ESAM: variants seen among roughly 807,000 people sequenced by gnomAD.
ESAM encodes the protein endothelial cell adhesion molecule.
ESAM carries 23 observed loss-of-function variants against 31.8 expected under a neutral mutation model. That is an observed-to-expected ratio of 0.72 (90% CI 0.52 to 1.03). The LOEUF (loss-of-function observed/expected upper bound fraction) is 1.03. Ranked by LOEUF, ESAM falls within the 50% of genes least tolerant of loss-of-function variation. The pLI, the probability that ESAM is intolerant of heterozygous loss-of-function variation, is 0.00. For missense variants in ESAM, 478 were observed against 488.9 expected, an observed-to-expected ratio of 0.98 and a Z score of 0.21; for synonymous variants, 216 against 207.2, an observed-to-expected ratio of 1.04 and a Z score of -0.37.
chr11:124,756,562 T>A lies in ESAM; in HGVS notation c.430A>T (p.Thr144Ser), dbSNP rs769468409. ...QGKSRGHSIKTLELNVLVPPA... is the reference protein window; with the variant it reads ...QGKSRGHSIKSLELNVLVPPA... ...TCACCCAGTACATTGAGTTCTAAGG[T>A]TTTGATGCTGTGGCCCCTAGATTTG... The change falls in exon 3 of 7, where the codon ACC becomes TCC. Residue 144 changes from threonine to serine, a missense_variant. Coordinates refer to ENST00000278927, the MANE Select transcript of ESAM (RefSeq NM_138961.3). 2.5e-6 allele frequency: 4 copies of A among 1,613,948 alleles called. No individual in the cohort carries two copies. In the Admixed American group the frequency reaches 6.7e-5, roughly 27 times the overall value.
In ESAM at chr11:124,753,735, G is replaced by A; in HGVS notation, c.1084C>T (p.Pro362Ser). 6.2e-7 allele frequency: 1 copy of A among 1,614,172 alleles called. No individual in the cohort carries two copies. Among genetic ancestry groups the A allele is most frequent in the Non-Finnish European group, 8.5e-7 (1 of 1,180,038 alleles). Residue 362 changes from proline to serine, a missense_variant, in exon 7 of 7, where the codon CCT (proline) becomes TCT (serine). Transcript: ENST00000278927. ...AAGCCAGAGGAAGAAACCCCACCAG[G>A]GATGGGGGATATTGGTTGAGGGTGG... ...GAHPQPISPI[P>S]GGVSSSGLSR...
At chr11:124,758,044 G>A (rs1944177248) in intron 2 of ESAM, among the ~76,000 whole-genome samples, 1 of 152,074 alleles carries the variant, frequency 6.6e-6, no homozygotes, top group Non-Finnish European at 1.5e-5. Flanking sequence ...CTTCCCCTAA[G>A]CGTTTCCCAG....
intron 1 of ESAM, among the ~76,000 whole-genome samples, chr11:124,758,887 T>G (rs1461950248): frequency 6.6e-6 from 1 of 152,222 alleles, no homozygotes; most frequent in East Asian, 1.9e-4. Context: ...CGACTGTTTC[T>G]GTCGTACGCG....
rs1444272910 is a variant in ESAM, at chr11:124,759,653, G to A, written c.71-1126C>T. On this transcript the variant is annotated intron_variant, in intron 1 of 6. Transcript: ENST00000278927. This position sits in a 1 kb window ranked among gnomAD's most constrained non-coding sequence, Gnocchi z 6.8. ...GCCTCTAAGGGCTGGGAGCCGATCC[G>A]GCCAGGATGCAAGCCTCCCCCACCG... Among the ~76,000 whole-genome samples, 1 of 152,242 alleles carries A rather than the reference G, an allele frequency of 6.6e-6. No homozygotes were observed. Among genetic ancestry groups the A allele is most frequent in the East Asian group, 1.9e-4 (1 of 5,188 alleles).
In ESAM at chr11:124,759,596, TC is replaced by T. The variant is rs1236299502; in HGVS notation, c.71-1070del. On this transcript the variant is annotated intron_variant, in intron 1 of 6. Transcript: ENST00000278927. This position sits in a 1 kb window ranked among gnomAD's most constrained non-coding sequence, Gnocchi z 6.8. ...AAGAGGCCGCAGCCAGGCCCCGCTC[TC>T]CACCCTCGCCCTAGGAGAGCCAGGC... Among the ~76,000 whole-genome samples the T allele has an allele frequency of 4.3e-4, 65 of 152,198 alleles. 1 individual carries two copies. Among genetic ancestry groups the T allele is most frequent in the Admixed American group, 4.2e-3 (64 of 15,288 alleles).
intron 4 of ESAM, among the ~76,000 whole-genome samples, chr11:124,755,322 C>A (rs914661557): frequency 2.0e-5 from 3 of 151,958 alleles, no homozygotes; most frequent in Non-Finnish European, 2.9e-5. Context: ...GTACAGCACA[C>A]CAGCATGGCA....
chr11:124,754,113 G>A lies in ESAM; in HGVS notation c.857+101C>T. 6.4e-7 allele frequency: 1 copy of A among 1,559,398 alleles called. No individual in the cohort carries two copies. On this transcript the variant is annotated intron_variant, in intron 6 of 6. Coordinates refer to ENST00000278927, the MANE Select transcript of ESAM (RefSeq NM_138961.3). The surrounding 1 kb of genome is among the most constrained non-coding windows in gnomAD (Gnocchi z 4.5). ...ACCTGCCCATAGGAATGATGTTTCA[G>A]CCACTGACCCCATCCCAATAGATGA... is the stretch of plus-strand genomic sequence containing the variant.
intron 4 of ESAM, among the ~76,000 whole-genome samples, 168 bp downstream of exon 4, chr11:124,756,039 C>A (rs1354989273): frequency 6.6e-6 from 1 of 152,240 alleles, no homozygotes; most frequent in Non-Finnish European, 1.5e-5. Context: ...TAACACAATA[C>A]CTGCCCCTGG....
In ESAM at chr11:124,754,058, A is replaced by G. The variant is rs561044496; in HGVS notation, c.858-97T>C. The G allele has an allele frequency of 1.7e-5, 27 of 1,551,372 alleles. No individual in the cohort carries two copies. The East Asian group carries it at 5.4e-4, about 31-fold the overall frequency. On this transcript the variant is annotated intron_variant, in intron 6 of 6. Transcript: ENST00000278927. This position sits in a 1 kb window ranked among gnomAD's most constrained non-coding sequence, Gnocchi z 4.5. ...TCTTATATACCACCTCTGCCTGCACACTTCAGTACTCCTTTCCCTCTCCCT... is the reference window on the plus strand; with the variant it reads ...TCTTATATACCACCTCTGCCTGCACGCTTCAGTACTCCTTTCCCTCTCCCT...
At chr11:124,761,873 C>A (rs536725248) in intron 1 of ESAM, among the ~76,000 whole-genome samples, 1 of 152,078 alleles carries the variant, frequency 6.6e-6, no homozygotes, top group African/African-American at 2.4e-5. Flanking sequence ...TTACCTCCCC[C>A]CGCCATCCGC....
intron 4 of ESAM, 143 bp downstream of exon 4, chr11:124,756,064 C>T: frequency 8.7e-7 from 1 of 1,148,352 alleles, no homozygotes; most frequent in East Asian, 2.5e-5. Flanking sequence ...GCATCTTTCT[C>T]TGCCCCACAT....
intron 1 of ESAM, 32 bp from the exon 2 acceptor site, chr11:124,758,559 G>A (rs1248042794): frequency 1.4e-6 from 2 of 1,479,154 alleles, no homozygotes; most frequent in Non-Finnish European, 1.8e-6. Context: ...GAGTGCCCAG[G>A]ACCGGCTCCC....
At position 124,753,599 on chromosome 11, in the gene ESAM, T is replaced by TA. The variant is rs1447097223; in HGVS notation, c.*46dup. 1 of 1,605,664 alleles carries TA rather than the reference T, an allele frequency of 6.2e-7. No individual in the cohort carries two copies. Among genetic ancestry groups the TA allele is most frequent in the Non-Finnish European group, 8.5e-7 (1 of 1,176,384 alleles). ...GCCTCTGTGCTAGAGGTGACCCTTATAGGAAGGAGAGACCCCAAATCCTTT... is the reference window on the plus strand; with the variant it reads ...GCCTCTGTGCTAGAGGTGACCCTTATAAGGAAGGAGAGACCCCAAATCCTTT... On this transcript the variant is annotated 3_prime_UTR_variant, in exon 7 of 7. Coordinates refer to ENST00000278927, the MANE Select transcript of ESAM (RefSeq NM_138961.3).
chr11:124,756,721 C>T lies in ESAM; in HGVS notation c.271G>A (p.Val91Ile), dbSNP rs777080925. The T allele has an allele frequency of 4.3e-6, 7 of 1,614,120 alleles. No homozygotes were observed. The highest frequency in any genetic ancestry group is 2.2e-5 in the South Asian group (2 of 91,082). ...EDQVLSYINGVTTSKPGVSLV... is the reference protein window; with the variant it reads ...EDQVLSYINGITTSKPGVSLV... ...GATACTCCAGGTTTGCTTGTTGTGACCCCATTGATGTAGGACAACACCTGG... is the reference window on the plus strand; with the variant it reads ...GATACTCCAGGTTTGCTTGTTGTGATCCCATTGATGTAGGACAACACCTGG... Residue 91 changes from valine (V) to isoleucine (I), a missense_variant, in exon 3 of 7, where the codon GTC (valine) becomes ATC (isoleucine). Coordinates refer to ENST00000278927, the MANE Select transcript of ESAM (RefSeq NM_138961.3).
Position 124,754,411 on chromosome 11 carries a change from C to A in ESAM, c.731-71G>T. 1 of 1,568,426 alleles carries A rather than the reference C, an allele frequency of 6.4e-7. No homozygotes were observed. Among genetic ancestry groups the A allele is most frequent in the Non-Finnish European group, 8.6e-7 (1 of 1,157,684 alleles). On this transcript the variant is annotated intron_variant, in intron 5 of 6. Coordinates refer to ENST00000278927, the MANE Select transcript of ESAM (RefSeq NM_138961.3). This position sits in a 1 kb window ranked among gnomAD's most constrained non-coding sequence, Gnocchi z 4.5. The stretch of plus-strand genomic sequence containing the variant: ...CTCACCCCTCTCCAATCCCACTCTC[C>A]CCACCCCATCTGCCACCATACACAT...
At chr11:124,761,082 C>G (rs1430062991) in intron 1 of ESAM, among the ~76,000 whole-genome samples, 1 of 152,122 alleles carries the variant, frequency 6.6e-6, no homozygotes, top group Admixed American at 6.5e-5. Flanking sequence ...ATCTCTGTCC[C>G]CATCATTGTA....
intron 2 of ESAM, 139 bp from the exon 3 acceptor site, chr11:124,756,881 CCATT>C (rs1944161657): frequency 1.1e-6 from 1 of 870,358 alleles, no homozygotes; most frequent in Non-Finnish European, 1.8e-6. Flanking sequence ...AACCAGCTCC[CCATT>C]CACCTTTTGT....
Position 124,758,542 on chromosome 11 carries a change from G to A in ESAM, c.71-15C>T. ...CGAGGGGGGCGCTGGAGACAAGAGC[G>A]AGGCGTGAGTGCCCAGGACCGGCTC... On this transcript the variant is annotated splice_polypyrimidine_tract_variant and intron_variant, in intron 1 of 6. Transcript: ENST00000278927. The A allele has an allele frequency of 2.6e-6, 4 of 1,518,760 alleles. No individual in the cohort carries two copies. The highest frequency in any genetic ancestry group is 2.6e-6 in the Non-Finnish European group (3 of 1,133,286). The allele number at this position is 1,518,760 out of a possible 1,614,324, so 94.1% of individuals were successfully genotyped here. A position where few individuals can be genotyped will look rare whatever the true frequency, so the allele number is the denominator to read the frequency against.
rs1944194955 is a variant in ESAM, at chr11:124,759,134, A to T, written c.71-607T>A. 1 of 152,322 alleles carries T rather than the reference A, an allele frequency of 6.6e-6. No homozygotes were observed. The highest frequency in any genetic ancestry group is 1.5e-5 in the Non-Finnish European group (1 of 68,128). The allele number at this position is 152,322 out of a possible 1,614,324, so 9.4% of individuals were successfully genotyped here. The stretch of plus-strand genomic sequence containing the variant: ...GCTCCCCGCCCTCCCGCGCAATCTC[A>T]GAGGCGGGCTTCCCTCGGAAAACGG... On this transcript the variant is annotated intron_variant, in intron 1 of 6. Transcript: ENST00000278927. This position sits in a 1 kb window ranked among gnomAD's most constrained non-coding sequence, Gnocchi z 6.8.
Sources: allele counts gnomAD v4.1 joint callset (sites outside exome capture counted in the v4.1 genomes callset), GRCh38; gene constraint gnomAD v4.1.1; non-coding constraint Gnocchi (gnomAD v3.1); transcripts MANE v1.5; gene names NCBI Gene and HGNC (gene_info 2026-07-23, HGNC 2026-07-21).